The following GNA14 variants were observed in gnomAD, a reference collection of about 807,000 sequenced individuals.
GNA14 encodes G protein subunit alpha 14, also known as guanine nucleotide-binding protein subunit alpha-14.
In GNA14, 50 loss-of-function variants were observed where a neutral mutation model predicts 42.0. The observed-to-expected ratio is 1.19, with a 90% CI of 0.95 to 1.51. The LOEUF (loss-of-function observed/expected upper bound fraction) is 1.51. GNA14 is among the 40% of genes most tolerant of loss of function. The pLI is 0.00. For synonymous variants in GNA14, 173 were observed against 163.1 expected, an observed-to-expected ratio of 1.06 and a Z score of -0.46; for missense variants, 473 against 446.2, an observed-to-expected ratio of 1.06 and a Z score of -0.54.
At chr9:77,515,960 C>CAAAAAAAAAGAAAA (rs1837248845) in intron 2 of GNA14, among the ~76,000 whole-genome samples, 1 of 52,736 alleles carries the variant, frequency 1.9e-5, no homozygotes, top group African/African-American at 6.4e-5. Context: ...CCCTGTCTCA[C>CAAAAAAAAAGAAAA]AAAAAAAAAA....
At chr9:77,574,902 AG>A (rs1554700073) in intron 1 of GNA14, among the ~76,000 whole-genome samples, 1 of 152,176 alleles carries the variant, frequency 6.6e-6, no homozygotes, top group Non-Finnish European at 1.5e-5. Context: ...AATAAGTGCA[AG>A]GGAAGTGGGA....
chr9:77,553,854 C>A (rs559888465), intron 1 of GNA14, among the ~76,000 whole-genome samples: 6 of 152,004 alleles, frequency 3.9e-5, no homozygotes, highest in African/African-American at 1.4e-4. Context: ...ACAGTGTGAT[C>A]CACAATAACA....
intron 2 of GNA14, among the ~76,000 whole-genome samples, chr9:77,459,409 C>T (rs1836066841): frequency 6.6e-6 from 1 of 152,138 alleles, no homozygotes; most frequent in African/African-American, 2.4e-5. Flanking sequence ...GCCCTCCTGC[C>T]TGGGTAATCC....
intron 2 of GNA14, among the ~76,000 whole-genome samples, chr9:77,445,276 C>T (rs1835797321): frequency 6.6e-6 from 1 of 152,158 alleles, no homozygotes; most frequent in Non-Finnish European, 1.5e-5. Context: ...ACAAGTCTTT[C>T]CCTAAGATGC....
At chr9:77,625,883 C>A (rs1293172004) in intron 1 of GNA14, among the ~76,000 whole-genome samples, 1 of 152,034 alleles carries the variant, frequency 6.6e-6, no homozygotes, top group Non-Finnish European at 1.5e-5. Flanking sequence ...TCACACATAA[C>A]AATATTAACC....
chr9:77,509,599 G>T (rs1415441494), intron 2 of GNA14, among the ~76,000 whole-genome samples: 1 of 152,082 alleles, frequency 6.6e-6, no homozygotes, highest in Non-Finnish European at 1.5e-5. Flanking sequence ...TTACTATATT[G>T]TACCCATTTA....
At chr9:77,497,449 A>G (rs1836889924) in intron 2 of GNA14, among the ~76,000 whole-genome samples, 1 of 152,250 alleles carries the variant, frequency 6.6e-6, no homozygotes, top group South Asian at 2.1e-4. Flanking sequence ...CCTTTGATTT[A>G]CCTATAAAAT....
At chr9:77,437,039 GGCCCTCA>G (rs76978969) in intron 2 of GNA14, among the ~76,000 whole-genome samples, 12,925 of 152,190 alleles carry the variant, frequency 0.085, 657 homozygotes, top group Middle Eastern at 0.14. Context: ...GGGCCCTGGT[GGCCCTCA>G]GCATCCTTGC....
At chr9:77,438,325 G>A (rs542347483) in intron 2 of GNA14, among the ~76,000 whole-genome samples, 1 of 151,718 alleles carries the variant, frequency 6.6e-6, no homozygotes, top group African/African-American at 2.4e-5. Flanking sequence ...GGAGCACAAC[G>A]GCGCGATCTC....
At chr9:77,611,462 G>A (rs187243203) in intron 1 of GNA14, among the ~76,000 whole-genome samples, 3 of 152,266 alleles carry the variant, frequency 2.0e-5, no homozygotes, top group Admixed American at 1.3e-4. Context: ...GAAAGACATT[G>A]CCTCTGTCTT....
intron 1 of GNA14, among the ~76,000 whole-genome samples, chr9:77,553,555 C>G (rs961337426): frequency 6.6e-6 from 1 of 152,114 alleles, no homozygotes; most frequent in African/African-American, 2.4e-5. Context: ...CATATGAAAA[C>G]TATTTGGCCT....
At chr9:77,527,030 C>T (rs1270664805) in intron 2 of GNA14, among the ~76,000 whole-genome samples, 1 of 152,190 alleles carries the variant, frequency 6.6e-6, no homozygotes, top group Non-Finnish European at 1.5e-5. Flanking sequence ...GCAGAAGTGG[C>T]TTACACAGGA....
At chr9:77,584,398 A>C (rs1823269642) in intron 1 of GNA14, among the ~76,000 whole-genome samples, 1 of 152,206 alleles carries the variant, frequency 6.6e-6, no homozygotes, top group Non-Finnish European at 1.5e-5. Context: ...GTGCAATCAA[A>C]GTTTGGAGAC....
At chr9:77,424,207 C>T (rs1835418410) in intron 6 of GNA14, 38 bp from the exon 7 acceptor site, 1 of 1,425,720 alleles carries the variant, frequency 7.0e-7, no homozygotes, top group East Asian at 2.4e-5. Context: ...AAGACACAGA[C>T]TTAACACCAT....
chr9:77,528,670 T>C (rs147937564), intron 2 of GNA14, among the ~76,000 whole-genome samples: 1 of 152,238 alleles, frequency 6.6e-6, no homozygotes, highest in East Asian at 1.9e-4. Flanking sequence ...CTGCAGCAAT[T>C]AGTGAAAACA....
intron 1 of GNA14, among the ~76,000 whole-genome samples, chr9:77,565,557 A>G (rs1396110656): frequency 6.6e-6 from 1 of 152,106 alleles, no homozygotes. Flanking sequence ...TCCTGGGTTC[A>G]AGTGATTCTT....
chr9:77,528,297 A>G (rs1432631785), intron 2 of GNA14, among the ~76,000 whole-genome samples: 2 of 152,126 alleles, frequency 1.3e-5, no homozygotes, highest in African/African-American at 2.4e-5. Context: ...TCTCTTTATC[A>G]TCATGTCATG....
intron 1 of GNA14, among the ~76,000 whole-genome samples, chr9:77,559,078 C>G (rs1356960971): frequency 1.3e-5 from 2 of 152,142 alleles, no homozygotes; most frequent in African/African-American, 4.8e-5. Context: ...TGATTTAAAG[C>G]CTGTTGCTCT....
At chr9:77,577,578 AAAGAGACTTTC>A (rs1403755146) in intron 1 of GNA14, among the ~76,000 whole-genome samples, 6 of 152,198 alleles carry the variant, frequency 3.9e-5, no homozygotes, top group Admixed American at 2.0e-4. Context: ...TCTGTTCACC[AAAGAGACTTTC>A]AAGAGACAGT....
Sources: gnomAD v4.1 joint callset for allele counts (sites outside exome capture counted in the v4.1 genomes callset) on GRCh38, gnomAD v4.1.1 for gene constraint, MANE v1.5 for transcripts, NCBI Gene and HGNC (gene_info 2026-07-23, HGNC 2026-07-21) for gene names.